PDE1C: variants seen among roughly 807,000 people sequenced by gnomAD.
PDE1C encodes dual specificity calcium/calmodulin-dependent 3',5'-cyclic nucleotide phosphodiesterase 1C.
PDE1C carries 62 observed loss-of-function variants against 93.1 expected under a neutral mutation model. That is an observed-to-expected ratio of 0.67 (90% confidence interval 0.54 to 0.82). PDE1C has a LOEUF of 0.82. PDE1C is among the 40% of genes least tolerant of loss of function. The pLI is 0.00. For missense variants in PDE1C, 742 were observed against 884.6 expected, an observed-to-expected ratio of 0.84 and a Z score of 2.04; for synonymous variants, 325 against 310.1, an observed-to-expected ratio of 1.05 and a Z score of -0.50.
chr7:32,126,942 T>A (rs1330669302), intron 3 of PDE1C, among the ~76,000 whole-genome samples: 14 of 152,174 alleles, frequency 9.2e-5, no homozygotes, highest in Non-Finnish European at 2.1e-4. Flanking sequence ...CAAGCATTAC[T>A]CTGAGTATAC....
intron 3 of PDE1C, among the ~76,000 whole-genome samples, chr7:32,130,233 C>T (rs890369812): frequency 6.6e-6 from 1 of 151,990 alleles, no homozygotes; most frequent in Admixed American, 6.6e-5. Context: ...ACTGCAGAAG[C>T]TATCTATCTA....
intron 17 of PDE1C, among the ~76,000 whole-genome samples, chr7:31,770,567 A>G (rs1795421816): frequency 1.3e-5 from 2 of 151,932 alleles, no homozygotes; most frequent in South Asian, 2.1e-4. Flanking sequence ...GCTGGGGTGC[A>G]GTGACATGAT....
chr7:31,946,182 T>C (rs1357423604), intron 2 of PDE1C, among the ~76,000 whole-genome samples: 1 of 152,184 alleles, frequency 6.6e-6, no homozygotes, highest in Non-Finnish European at 1.5e-5. Context: ...GTCTAATGAT[T>C]GTTTTGTTTC....
chr7:31,660,818 G>A, the PDE1C span, among the ~76,000 whole-genome samples: 2 of 151,426 alleles, frequency 1.3e-5, no homozygotes, highest in African/African-American at 2.4e-5. Flanking sequence ...CGTATCTAGA[G>A]AAAACTAACC....
At chr7:31,617,604 T>C in the PDE1C span, among the ~76,000 whole-genome samples, 1 of 151,936 alleles carries the variant, frequency 6.6e-6, no homozygotes, top group East Asian at 1.9e-4. Context: ...AGCAGCTCTT[T>C]AGAGACAACT....
intron 3 of PDE1C, among the ~76,000 whole-genome samples, chr7:32,151,929 G>C (rs1801285603): frequency 6.6e-6 from 1 of 152,140 alleles, no homozygotes. Flanking sequence ...TAATAAAGCT[G>C]TTTTTAAATG....
intron 8 of PDE1C, among the ~76,000 whole-genome samples, chr7:31,850,243 C>T (rs1328415982): frequency 6.6e-6 from 1 of 152,062 alleles, no homozygotes; most frequent in African/African-American, 2.4e-5. Flanking sequence ...TAAGATTGGT[C>T]AATGTTGTTA....
chr7:31,934,080 A>G (rs982794942), intron 2 of PDE1C, among the ~76,000 whole-genome samples: 3 of 152,244 alleles, frequency 2.0e-5, no homozygotes, highest in Non-Finnish European at 2.9e-5. Context: ...TATGAAAAGA[A>G]ACAGGGAATT....
the PDE1C span, among the ~76,000 whole-genome samples, chr7:31,739,485 G>T: frequency 1.3e-5 from 2 of 152,008 alleles, no homozygotes; most frequent in African/African-American, 2.4e-5. Context: ...ACCATGTGTC[G>T]GGCACTATGT....
intron 2 of PDE1C, among the ~76,000 whole-genome samples, chr7:31,910,039 A>T (rs1252027399): frequency 6.6e-6 from 1 of 152,198 alleles, no homozygotes; most frequent in Admixed American, 6.5e-5. Context: ...TGGGAGGTCA[A>T]ATCTCTCCTA....
intron 1 of PDE1C, among the ~76,000 whole-genome samples, chr7:32,068,263 G>T (rs1468657650): frequency 6.6e-6 from 1 of 151,232 alleles, no homozygotes; most frequent in African/African-American, 2.5e-5. Flanking sequence ...TTCCCCTAAG[G>T]GTTTCTATTT....
intron 2 of PDE1C, among the ~76,000 whole-genome samples, chr7:32,204,608 G>A (rs1805285031): frequency 6.6e-6 from 1 of 152,302 alleles, no homozygotes; most frequent in South Asian, 2.1e-4. Flanking sequence ...CTGTGGCCAC[G>A]TCTGAACACT....
chr7:31,931,001 A>G (rs1804155894), intron 2 of PDE1C, among the ~76,000 whole-genome samples: 1 of 152,204 alleles, frequency 6.6e-6, no homozygotes, highest in South Asian at 2.1e-4. Context: ...TGATTATCTC[A>G]ATAGACGCAG....
the PDE1C span, among the ~76,000 whole-genome samples, chr7:31,654,861 A>G: frequency 6.6e-6 from 1 of 152,140 alleles, no homozygotes; most frequent in East Asian, 1.9e-4. Context: ...ACTCAAAACC[A>G]TCTCACATCT....
At chr7:31,636,309 A>G in the PDE1C span, among the ~76,000 whole-genome samples, 3 of 152,172 alleles carry the variant, frequency 2.0e-5, no homozygotes, top group African/African-American at 4.8e-5. Context: ...GGGCTCTAAC[A>G]TATCACTCTG....
At chr7:32,342,820 T>C (rs1355146408) in intron 1 of PDE1C, among the ~76,000 whole-genome samples, 1 of 152,242 alleles carries the variant, frequency 6.6e-6, no homozygotes, top group Non-Finnish European at 1.5e-5. Context: ...GTATTTTCAA[T>C]ACTAAAAACC....
chr7:32,298,963 G>T, exon 1 of PDE1C: 1 of 1,304,450 alleles, frequency 7.7e-7, no homozygotes, highest in African/African-American at 1.6e-5. Context: ...GAGCCGTCGC[G>T]ACTGCCCCAT....
intron 17 of PDE1C, among the ~76,000 whole-genome samples, chr7:31,769,327 A>G (rs934486818): frequency 3.9e-5 from 6 of 152,194 alleles, no homozygotes; most frequent in Non-Finnish European, 8.8e-5. Flanking sequence ...CCCTGCACAT[A>G]ATCAGCTTCT....
chr7:32,248,747 C>A (rs56405980), intron 1 of PDE1C, among the ~76,000 whole-genome samples: 1 of 152,158 alleles, frequency 6.6e-6, no homozygotes, highest in Non-Finnish European at 1.5e-5. Context: ...AGATGCTGCA[C>A]TATAATTCAC....
Sources: gnomAD v4.1 joint callset for allele counts (sites outside exome capture counted in the v4.1 genomes callset) on GRCh38, gnomAD v4.1.1 for gene constraint, MANE v1.5 for transcripts, NCBI Gene and HGNC (gene_info 2026-07-23, HGNC 2026-07-21) for gene names.